PPTC7: variants seen among roughly 807,000 people sequenced by gnomAD.
PPTC7 encodes protein phosphatase PTC7 homolog.
A neutral mutation model predicts 30.8 loss-of-function variants in PPTC7; 6 were observed. The observed-to-expected ratio is 0.19, with a 90% CI of 0.11 to 0.38. The LOEUF (loss-of-function observed/expected upper bound fraction) is 0.38, where lower values mean the gene tolerates loss of function less well. Among genes scored for constraint, PPTC7 ranks in the 10% least tolerant of loss-of-function variants. The pLI, the probability that PPTC7 is intolerant of heterozygous loss-of-function variation, is 1.00. For missense variants in PPTC7, 218 were observed against 404.8 expected (o/e 0.54, Z 3.96); for synonymous variants, 163 against 168.1 (o/e 0.97, Z 0.23).
rs573749461 is a variant in PPTC7 at position 110,561,008 on chromosome 12, T to C, written c.224-9040A>G. Among the ~76,000 whole-genome samples, 8 of 152,306 alleles carry C rather than the reference T, an allele frequency of 5.3e-5. No individual in the cohort carries two copies. The East Asian group carries it at 5.8e-4, about 11-fold the overall frequency. On this transcript the variant is annotated intron_variant, in intron 1 of 5. Transcript: ENST00000354300. The stretch of plus-strand genomic sequence containing the variant: ...TAAGAATCTGGCAGGATCACAATAA[T>C]TGAATAACAGAAGTATCAGGAGACC...
intron 1 of PPTC7, 85 bp from the exon 2 acceptor site, chr12:110,552,053 A>G: frequency 9.3e-7 from 1 of 1,072,288 alleles, no homozygotes; most frequent in Non-Finnish European, 1.4e-6. Context: ...CTAACAGTTA[A>G]TTTCACTACA....
chr12:110,560,982 A>T (rs1365418860), intron 1 of PPTC7, among the ~76,000 whole-genome samples: 2 of 152,224 alleles, frequency 1.3e-5, no homozygotes, highest in African/African-American at 2.4e-5. Context: ...GAGAAACTGA[A>T]TAAGAATCTG....
intron 1 of PPTC7, among the ~76,000 whole-genome samples, chr12:110,560,315 T>C (rs1226124557): frequency 6.6e-6 from 1 of 151,874 alleles, no homozygotes; most frequent in African/African-American, 2.4e-5. Flanking sequence ...GTGGGAGGAC[T>C]GCTTGAGTCC....
intron 1 of PPTC7, among the ~76,000 whole-genome samples, chr12:110,571,769 T>A (rs890979052): frequency 6.6e-6 from 1 of 152,200 alleles, no homozygotes; most frequent in Non-Finnish European, 1.5e-5. Context: ...CCATTGATTG[T>A]TTGGTGAATT....
chr12:110,569,922 C>T (rs1015920046), intron 1 of PPTC7, among the ~76,000 whole-genome samples: 4 of 152,142 alleles, frequency 2.6e-5, no homozygotes, highest in Non-Finnish European at 5.9e-5. Flanking sequence ...AAGCCACTAA[C>T]AAACACCTCA....
intron 3 of PPTC7, among the ~76,000 whole-genome samples, chr12:110,544,084 G>C (rs1461728060): frequency 6.6e-6 from 1 of 152,206 alleles, no homozygotes; most frequent in Non-Finnish European, 1.5e-5. Flanking sequence ...GCCAACTTTA[G>C]AAGGGCCTAG....
intron 1 of PPTC7, among the ~76,000 whole-genome samples, chr12:110,580,921 T>C (rs1245363884): frequency 6.6e-6 from 1 of 152,038 alleles, no homozygotes. Context: ...CCGGCTAATT[T>C]TTGTATTTTT....
At chr12:110,538,120 A>G (rs770904151) in intron 5 of PPTC7, 24 bp downstream of exon 5, 8 of 1,612,528 alleles carry the variant, frequency 5.0e-6, no homozygotes, top group Non-Finnish European at 6.8e-6. Flanking sequence ...GTCAGTCCCT[A>G]TGACCTTCCC....
chr12:110,548,706 T>G lies in PPTC7; in HGVS notation c.404-2628A>C, dbSNP rs139389803. ...AGAAGGACTCATGTGACTCCTTATA[T>G]ACTCACTGACGAAGCCAGGCTATCC... On this transcript the variant is annotated intron_variant, in intron 2 of 5. Coordinates refer to ENST00000354300, the MANE Select transcript of PPTC7 (RefSeq NM_139283.2). 5.5e-3 allele frequency among the ~76,000 whole-genome samples: 840 copies of G among 152,330 alleles called. 3 individuals carry two copies. Among genetic ancestry groups the G allele is most frequent in the Non-Finnish European group, 9.0e-3 (615 of 68,024 alleles).
At chr12:110,567,094 C>T (rs952357225) in intron 1 of PPTC7, among the ~76,000 whole-genome samples, 1 of 152,148 alleles carries the variant, frequency 6.6e-6, no homozygotes, top group Non-Finnish European at 1.5e-5. Context: ...AATACCAGTG[C>T]CTTTATAGCG....
At chr12:110,578,047 G>C (rs1182546341) in intron 1 of PPTC7, among the ~76,000 whole-genome samples, 2 of 152,212 alleles carry the variant, frequency 1.3e-5, no homozygotes, top group African/African-American at 4.8e-5. Flanking sequence ...GGGAGTCTCA[G>C]ATGAGAGACT....
At chr12:110,539,437 C>T (rs1232191746) in intron 4 of PPTC7, among the ~76,000 whole-genome samples, 1 of 152,212 alleles carries the variant, frequency 6.6e-6, no homozygotes, top group Non-Finnish European at 1.5e-5. Flanking sequence ...TCAGGTCACA[C>T]TGAGGCTTCC....
chr12:110,541,033 T>C (rs1037583486), intron 3 of PPTC7, among the ~76,000 whole-genome samples: 8 of 150,074 alleles, frequency 5.3e-5, no homozygotes, highest in African/African-American at 1.2e-4. Context: ...CCTTGGCCTC[T>C]CAAAGTGCTG....
intron 2 of PPTC7, 109 bp downstream of exon 2, chr12:110,551,680 A>T: frequency 2.0e-6 from 2 of 992,448 alleles, no homozygotes; most frequent in Non-Finnish European, 3.1e-6. Context: ...CACTCTGCTT[A>T]GTAGGAAGAG....
Position 110,582,983 on chromosome 12 carries a change from C to T in PPTC7, c.49G>A (p.Gly17Ser), listed in dbSNP as rs2064652886. 2.6e-6 allele frequency: 4 copies of T among 1,521,710 alleles called. No homozygotes were observed. Among genetic ancestry groups the T allele is most frequent in the African/African-American group, 2.9e-5 (2 of 69,802 alleles). The allele number at this position is 1,521,710 out of a possible 1,614,324, so 94.3% of individuals were successfully genotyped here. A position where few individuals can be genotyped will look rare whatever the true frequency, so the allele number is the denominator to read the frequency against. Reference protein sequence around the residue: ...YGRLVARAVLGGLSQTDPRAG... With the variant: ...YGRLVARAVLSGLSQTDPRAG... ...CTGGGGTCGGTCTGCGAGAGGCCGC[C>T]GAGCACGGCGCGGGCCACCAGCCGC... The change falls in exon 1 of 6, where the codon GGC (glycine) becomes AGC (serine). Residue 17 changes from glycine (G) to serine (S), a missense_variant. Gly to Ser is a moderately conservative substitution (Grantham distance 56). Transcript: ENST00000354300.
At chr12:110,578,607 T>C (rs1327270360) in intron 1 of PPTC7, among the ~76,000 whole-genome samples, 2 of 152,178 alleles carry the variant, frequency 1.3e-5, no homozygotes, top group African/African-American at 4.8e-5. Flanking sequence ...CTTTCTCATA[T>C]AAAAAGAAAG....
chr12:110,548,439 G>C (rs568279270), intron 2 of PPTC7, among the ~76,000 whole-genome samples: 57 of 152,282 alleles, frequency 3.7e-4, no homozygotes, highest in Non-Finnish European at 7.1e-4. Flanking sequence ...TAGCCATTAA[G>C]TGTCAACGAA....
chr12:110,539,052 C>T (rs1353431256), intron 4 of PPTC7, among the ~76,000 whole-genome samples: 1 of 152,160 alleles, frequency 6.6e-6, no homozygotes, highest in Admixed American at 6.5e-5. Flanking sequence ...ACACAGAGCA[C>T]GGTGCCTGTG....
intron 3 of PPTC7, among the ~76,000 whole-genome samples, chr12:110,542,541 C>T (rs1437120885): frequency 6.6e-6 from 1 of 151,658 alleles, no homozygotes; most frequent in Non-Finnish European, 1.5e-5. Flanking sequence ...CATGGTGGTG[C>T]ACACCTGTAA....
Sources: gnomAD v4.1 joint callset for allele counts (sites outside exome capture counted in the v4.1 genomes callset) on GRCh38, gnomAD v4.1.1 for gene constraint, MANE v1.5 for transcripts, NCBI Gene and HGNC (gene_info 2026-07-23, HGNC 2026-07-21) for gene names.